The following PCDHGA4 variants were observed in gnomAD, a reference collection of about 807,000 sequenced individuals.
PCDHGA4 encodes the protein protocadherin gamma subfamily A, 4, also known as protocadherin gamma-A4.
In PCDHGA4, 38 loss-of-function variants were observed where a neutral mutation model predicts 54.6. The observed-to-expected ratio is 0.70, with a 90% confidence interval of 0.54 to 0.91. The LOEUF is 0.91. Among genes scored for constraint, PCDHGA4 ranks in the 40% least tolerant of loss-of-function variants. The probability of loss-of-function intolerance (pLI) is 0.00; values close to 1 mark genes in which losing one functional copy is unlikely to be tolerated. For missense variants in PCDHGA4, 1,298 were observed against 1,220.9 expected (o/e 1.06, Z -0.94); for synonymous variants, 511 against 512.9 (o/e 1.00, Z 0.05).
chr5:141,388,889 C>A, intron 1 of PCDHGA4: 2 of 1,613,954 alleles, frequency 1.2e-6, no homozygotes, highest in Non-Finnish European at 1.7e-6. Flanking sequence ...AGGTAGAAGT[C>A]ATAGATGAAA....
chr5:141,383,462 A>G (rs2072315), intron 1 of PCDHGA4: 731,761 of 1,613,122 alleles, frequency 0.45, 173,214 homozygotes, highest in African/African-American at 0.81. Flanking sequence ...GGAGACGATG[A>G]AACTAAGTAC....
chr5:141,494,882 C>T lies in PCDHGA4; in HGVS notation c.2573+17C>T, dbSNP rs771484301. On this transcript the variant is annotated intron_variant, in intron 2 of 3. Transcript: ENST00000571252. ...CACCAGCGGGTAGGTGACTGATTCT[C>T]CAGCCCACCCTCTTCTCTGCGGCAT... is the stretch of plus-strand genomic sequence containing the variant. 35 of 1,614,128 alleles carry T rather than the reference C, an allele frequency of 2.2e-5. No homozygotes were observed. The highest frequency in any genetic ancestry group is 3.3e-4 in the Middle Eastern group (2 of 6,060).
intron 1 of PCDHGA4, among the ~76,000 whole-genome samples, chr5:141,445,415 C>A (rs1235584061): frequency 6.6e-6 from 1 of 152,140 alleles, no homozygotes; most frequent in Non-Finnish European, 1.5e-5. Context: ...TAACTGTCTG[C>A]TATATGCAAG....
At chr5:141,402,580 T>C (rs1217508250) in intron 1 of PCDHGA4, among the ~76,000 whole-genome samples, 3 of 152,226 alleles carry the variant, frequency 2.0e-5, no homozygotes, top group South Asian at 4.1e-4. Context: ...CTCAGATATC[T>C]AAAAAATAGA....
At chr5:141,394,577 G>A (rs757579320) in intron 1 of PCDHGA4, 5 of 1,613,986 alleles carry the variant, frequency 3.1e-6, no homozygotes, top group South Asian at 1.1e-5. Context: ...GCTACCTGGT[G>A]ACCAAGGTGG....
chr5:141,423,150 G>A, intron 1 of PCDHGA4: 1 of 1,613,538 alleles, frequency 6.2e-7, no homozygotes, highest in Non-Finnish European at 8.5e-7. Flanking sequence ...CGCTCAAGCA[G>A]AGCCTCGTGG....
At chr5:141,396,821 G>A (rs934244827) in intron 1 of PCDHGA4, among the ~76,000 whole-genome samples, 5 of 152,314 alleles carry the variant, frequency 3.3e-5, no homozygotes, top group Middle Eastern at 3.4e-3. Context: ...ACTGTATGGT[G>A]CATATTCAGT....
Position 141,419,438 on chromosome 5 carries a change from A to G in PCDHGA4, c.2514+61817A>G, listed in dbSNP as rs764801455. On this transcript the variant is annotated intron_variant, in intron 1 of 3. Coordinates refer to ENST00000571252, the MANE Select transcript of PCDHGA4 (RefSeq NM_018917.4). ...CGCCTTCGACCACGAGCAGCTGCGC[A>G]CCTTCGAGCTCACGCTGCAGGCCCG... 8 of 1,613,138 alleles carry G rather than the reference A, an allele frequency of 5.0e-6. No homozygotes were observed. The highest frequency in any genetic ancestry group is 4.4e-5 in the South Asian group (4 of 91,044).
Position 141,355,157 on chromosome 5 carries a change from C to T in PCDHGA4, c.50C>T (p.Thr17Ile), listed in dbSNP as rs1220655708. The change falls in exon 1 of 4, where the codon ACA becomes ATA. Residue 17 changes from threonine to isoleucine, a missense_variant. By Grantham distance (89) the Thr-to-Ile change is moderately conservative. Transcript: ENST00000571252. ...PEDPGAPQAS[T>I]EGKPKHRRLR... ...GATCCTGGGGCTCCTCAGGCCTCGA[C>T]AGAGGGAAAACCGAAGCACAGGCGA... is the stretch of plus-strand genomic sequence containing the variant. 1 of 1,555,036 alleles carries T rather than the reference C, an allele frequency of 6.4e-7. No individual in the cohort carries two copies. The highest frequency in any genetic ancestry group is 8.7e-7 in the Non-Finnish European group (1 of 1,152,274).
At chr5:141,478,487 A>G (rs1593917832) in intron 1 of PCDHGA4, 1 of 1,613,454 alleles carries the variant, frequency 6.2e-7, no homozygotes, top group South Asian at 1.1e-5. Flanking sequence ...CACGCTGCGG[A>G]GCTGTGATCC....
Position 141,382,863 on chromosome 5 carries a change from C to G in PCDHGA4, c.2514+25242C>G, listed in dbSNP as rs1214467888. 4 of 1,516,660 alleles carry G rather than the reference C, an allele frequency of 2.6e-6. No homozygotes were observed. The South Asian group carries it at 4.0e-5, about 15-fold the overall frequency. The allele number at this position is 1,516,660 out of a possible 1,614,324, so 94.0% of individuals were successfully genotyped here. On this transcript the variant is annotated intron_variant, in intron 1 of 3. Coordinates refer to ENST00000571252, the MANE Select transcript of PCDHGA4 (RefSeq NM_018917.4). ...ATACACCCGCATTCTGAAGCACTTC[C>G]CGAGATCGGCGCCTAAGCAAGAGAA... is the stretch of plus-strand genomic sequence containing the variant.
At chr5:141,380,386 G>A (rs1776453740) in intron 1 of PCDHGA4, among the ~76,000 whole-genome samples, 1 of 152,168 alleles carries the variant, frequency 6.6e-6, no homozygotes. Flanking sequence ...AAAAAGAAAA[G>A]AGAGAAGATA....
intron 1 of PCDHGA4, among the ~76,000 whole-genome samples, chr5:141,471,928 G>A (rs1328213264): frequency 6.6e-6 from 1 of 152,152 alleles, no homozygotes; most frequent in African/African-American, 2.4e-5. Context: ...TTTTGGGGGT[G>A]ATGAGAGTTT....
At chr5:141,384,686 A>G (rs1314292313) in intron 1 of PCDHGA4, 1 of 1,613,842 alleles carries the variant, frequency 6.2e-7, no homozygotes, top group African/African-American at 1.3e-5. Context: ...GCGGTGGACA[A>G]AGATTCAGGC....
At chr5:141,465,923 C>G (rs908350232) in intron 1 of PCDHGA4, among the ~76,000 whole-genome samples, 2 of 152,062 alleles carry the variant, frequency 1.3e-5, no homozygotes, top group African/African-American at 4.8e-5. Flanking sequence ...GATTTCGAGT[C>G]CATCCTGGCT....
intron 1 of PCDHGA4, among the ~76,000 whole-genome samples, chr5:141,449,205 A>G (rs991001366): frequency 6.6e-6 from 1 of 152,164 alleles, no homozygotes; most frequent in Admixed American, 6.5e-5. Context: ...GTTAATTCTA[A>G]CTTTCTGTTT....
At chr5:141,401,391 T>C (rs923364219) in intron 1 of PCDHGA4, among the ~76,000 whole-genome samples, 1 of 152,140 alleles carries the variant, frequency 6.6e-6, no homozygotes, top group Non-Finnish European at 1.5e-5. Flanking sequence ...ATACTACATG[T>C]TATGTGTATG....
Position 141,494,920 on chromosome 5 carries a change from G to A in PCDHGA4, c.2573+55G>A, listed in dbSNP as rs1329724849. The A allele has an allele frequency of 1.8e-5, 29 of 1,613,680 alleles. No individual in the cohort carries two copies. The East Asian group carries it at 6.5e-4, about 36-fold the overall frequency. On this transcript the variant is annotated intron_variant, in intron 2 of 3. Coordinates refer to ENST00000571252, the MANE Select transcript of PCDHGA4 (RefSeq NM_018917.4). ...TTCTCTGCGGCATTTTCTCAGGGAT[G>A]ACGTGGGAGGAGATGGGGGAGGGCC...
At position 141,369,841 on chromosome 5, in the gene PCDHGA4, A is replaced by G. The variant is rs139634339; in HGVS notation, c.2514+12220A>G. 6.6e-4 allele frequency among the ~76,000 whole-genome samples: 101 copies of G among 152,282 alleles called. No homozygotes were observed. The East Asian group carries it at 0.014, about 20-fold the overall frequency. ...CTTCCATTTGTATGATTTTCTATGT[A>G]TTATTTTATTTGGCCCTCATTTCTA... On this transcript the variant is annotated intron_variant, in intron 1 of 3. Coordinates refer to ENST00000571252, the MANE Select transcript of PCDHGA4 (RefSeq NM_018917.4).
Sources: gnomAD v4.1 joint callset for allele counts (sites outside exome capture counted in the v4.1 genomes callset) on GRCh38, gnomAD v4.1.1 for gene constraint, MANE v1.5 for transcripts, NCBI Gene and HGNC (gene_info 2026-07-23, HGNC 2026-07-21) for gene names.